R3HDM4: variants seen among roughly 807,000 people sequenced by gnomAD.
R3HDM4 encodes R3H domain containing 4.
A neutral mutation model predicts 31.3 loss-of-function variants in R3HDM4; 30 were observed. The ratio of observed to expected loss-of-function variants is 0.96; its 90% CI spans 0.72 to 1.30. The LOEUF (loss-of-function observed/expected upper bound fraction) is 1.30, where lower values mean the gene tolerates loss of function less well. Among genes scored for constraint, R3HDM4 ranks in the 50% most tolerant of loss-of-function variants. R3HDM4 has a pLI of 0.00. For synonymous variants in R3HDM4, 196 were observed against 156.6 expected, an observed-to-expected ratio of 1.25 and a Z score of -1.88; for missense variants, 444 against 366.1, an observed-to-expected ratio of 1.21 and a Z score of -1.74.
At position 897,770 on chromosome 19, in the gene R3HDM4, C is replaced by T. The variant is rs139651162; in HGVS notation, c.704-230G>A. 9.4e-3 allele frequency among the ~76,000 whole-genome samples: 1,438 copies of T among 152,354 alleles called. 14 individuals carry two copies. Among genetic ancestry groups the T allele is most frequent in the Non-Finnish European group, 0.014 (951 of 68,022 alleles). On this transcript the variant is annotated intron_variant, in intron 7 of 7. Transcript: ENST00000361574. ...CTCTCCTCGGGCCCATCTCACTCCC[C>T]GCTGGCACTCATTCCACTGTGCGGA...
chr19:909,213 G>A (rs916760505), intron 1 of R3HDM4, among the ~76,000 whole-genome samples: 7 of 152,196 alleles, frequency 4.6e-5, no homozygotes, highest in Non-Finnish European at 2.9e-5. Context: ...ATTTTGAGAG[G>A]GGAACTGTGA....
In R3HDM4 at chr19:896,990, G is replaced by C. The variant is rs1157722699; in HGVS notation, c.*447C>G. 6.3e-6 allele frequency: 1 copy of C among 158,258 alleles called. No homozygotes were observed. Among genetic ancestry groups the C allele is most frequent in the Non-Finnish European group, 1.4e-5 (1 of 71,704 alleles). The allele number at this position is 158,258 out of a possible 1,614,324, so 9.8% of individuals were successfully genotyped here. A position where few individuals can be genotyped will look rare whatever the true frequency, so the allele number is the denominator to read the frequency against. On this transcript the variant is annotated 3_prime_UTR_variant, in exon 8 of 8. Coordinates refer to ENST00000361574, the MANE Select transcript of R3HDM4 (RefSeq NM_138774.4). This position sits in a 1 kb window ranked among gnomAD's most constrained non-coding sequence, Gnocchi z 4.0. ...GCTAAAAACTGGGAGGGGCTGAGCA[G>C]GGGCTGGGACCAAGACCCATGTTTT...
rs2036926198 is a variant in R3HDM4, at chr19:907,875, C to A, written c.71+5212G>T. Reference sequence around the variant, plus strand: ...AGCACTGGAAATCGAGTCCCACCATCAGATGGAGCTGGCTGACTTCAACCA... The same window carrying A: ...AGCACTGGAAATCGAGTCCCACCATAAGATGGAGCTGGCTGACTTCAACCA... On this transcript the variant is annotated intron_variant, in intron 1 of 7. Transcript: ENST00000361574. This position sits in a 1 kb window ranked among gnomAD's most constrained non-coding sequence, Gnocchi z 4.1. Among the ~76,000 whole-genome samples, 1 of 152,216 alleles carries A rather than the reference C, an allele frequency of 6.6e-6. No individual in the cohort carries two copies. Among genetic ancestry groups the A allele is most frequent in the South Asian group, 2.1e-4 (1 of 4,836 alleles).
At chr19:901,163 G>A (rs2036831619) in intron 3 of R3HDM4, 2 of 688,122 alleles carry the variant, frequency 2.9e-6, no homozygotes, top group East Asian at 2.9e-5. Context: ...GGGTGGGGGG[G>A]ATTGAGGTGA....
chr19:900,864 C>A lies in R3HDM4; in HGVS notation c.440G>T (p.Arg147Met). ...LEDEGRSKAR[R>M]RGPGRGEDRR... ...GTCCTCCCCACGGCCAGGGCCCCTC[C>A]TCCGCGCCTTGCTCCTGCCCTCATC... The change falls in exon 4 of 8, where the codon AGG becomes ATG. Residue 147 changes from arginine (R) to methionine (M), a missense_variant. By Grantham distance (91) the Arg-to-Met change is moderately conservative (BLOSUM62 -1). Coordinates refer to ENST00000361574, the MANE Select transcript of R3HDM4 (RefSeq NM_138774.4). 6.4e-7 allele frequency: 1 copy of A among 1,556,474 alleles called. No homozygotes were observed. The highest frequency in any genetic ancestry group is 1.2e-5 in the South Asian group (1 of 84,498).
At position 899,359 on chromosome 19, in the gene R3HDM4, A is replaced by T; in HGVS notation, c.703+81T>A. ...CACCTCCCCACCAAGCCCCACTCTG[A>T]GGAACCAGGCCCCTGGGACCCTGGC... On this transcript the variant is annotated intron_variant, in intron 7 of 7. Coordinates refer to ENST00000361574, the MANE Select transcript of R3HDM4 (RefSeq NM_138774.4). This position sits in a 1 kb window ranked among gnomAD's most constrained non-coding sequence, Gnocchi z 6.8. The T allele has an allele frequency of 7.2e-7, 1 of 1,383,784 alleles. No homozygotes were observed. Among genetic ancestry groups the T allele is most frequent in the Non-Finnish European group, 1.0e-6 (1 of 975,290 alleles). The allele number at this position is 1,383,784 out of a possible 1,614,324, so 85.7% of individuals were successfully genotyped here. A position where few individuals can be genotyped will look rare whatever the true frequency, so the allele number is the denominator to read the frequency against.
At chr19:900,272 C>T (rs953055697) in intron 4 of R3HDM4, 126 bp from the exon 5 acceptor site, 4 of 675,740 alleles carry the variant, frequency 5.9e-6, no homozygotes, top group African/African-American at 5.6e-5. Context: ...CCCACCAAAC[C>T]ACACCTTCAA....
chr19:913,048 GC>G lies in R3HDM4; in HGVS notation c.71+38del, dbSNP rs1002384102. 3.7e-5 allele frequency: 29 copies of G among 788,362 alleles called. No individual in the cohort carries two copies. The highest frequency in any genetic ancestry group is 4.2e-5 in the Non-Finnish European group (27 of 643,044). The allele number at this position is 788,362 out of a possible 1,614,324, so 48.8% of individuals were successfully genotyped here. ...GATCTCAGGGGAGGGAGCCCAGCCCGCCCCCGGCGCCCGCCGCGCCCCGCCC... is the reference window on the plus strand; with the variant it reads ...GATCTCAGGGGAGGGAGCCCAGCCCGCCCCGGCGCCCGCCGCGCCCCGCCC... On this transcript the variant is annotated intron_variant, in intron 1 of 7. Transcript: ENST00000361574. This position sits in a 1 kb window ranked among gnomAD's most constrained non-coding sequence, Gnocchi z 5.0.
intron 3 of R3HDM4, chr19:901,164 A>T: frequency 3.0e-6 from 2 of 662,172 alleles, no homozygotes; most frequent in Non-Finnish European, 4.9e-6. Flanking sequence ...GGTGGGGGGG[A>T]TTGAGGTGAA....
At chr19:909,024 C>T (rs1211121534) in intron 1 of R3HDM4, among the ~76,000 whole-genome samples, 1 of 152,206 alleles carries the variant, frequency 6.6e-6, no homozygotes, top group Non-Finnish European at 1.5e-5. Context: ...TCCCACGCCA[C>T]TCAACAAGAC....
intron 1 of R3HDM4, among the ~76,000 whole-genome samples, chr19:906,940 C>T (rs370584953): frequency 1.3e-5 from 2 of 152,040 alleles, no homozygotes; most frequent in African/African-American, 2.4e-5. Flanking sequence ...CTCAGCCTCC[C>T]GAGTAGCTGG....
intron 4 of R3HDM4, 133 bp downstream of exon 4, chr19:900,696 T>C (rs1312115770): frequency 4.3e-6 from 1 of 234,752 alleles, no homozygotes; most frequent in Non-Finnish European, 5.7e-6. Flanking sequence ...CCCAACATAC[T>C]AGGTCCAACC....
At chr19:900,026 G>A (rs2145283661) in intron 5 of R3HDM4, 35 bp downstream of exon 5, 3 of 1,597,366 alleles carry the variant, frequency 1.9e-6, no homozygotes, top group Admixed American at 3.3e-5. Flanking sequence ...AGACCAGGCA[G>A]GTAGAAAAGG....
chr19:897,554 C>T lies in R3HDM4; in HGVS notation c.704-14G>A, dbSNP rs776170253. 2.5e-6 allele frequency: 4 copies of T among 1,599,000 alleles called. No individual in the cohort carries two copies. Among genetic ancestry groups the T allele is most frequent in the Non-Finnish European group, 3.4e-6 (4 of 1,171,844 alleles). ...CCAGGTCAGCACCTGCAGACGGGAC[C>T]AGCGGGGCAAGAACGGGAGGAATTT... On this transcript the variant is annotated splice_polypyrimidine_tract_variant and intron_variant, in intron 7 of 7. Transcript: ENST00000361574.
intron 1 of R3HDM4, among the ~76,000 whole-genome samples, chr19:902,874 A>G (rs2365701): frequency 0.51 from 76,821 of 151,868 alleles, 19,941 homozygotes; most frequent in South Asian, 0.61. Flanking sequence ...CCCGGGAGGC[A>G]GATGCTCCAG....
chr19:906,894 C>T (rs942750931), intron 1 of R3HDM4, among the ~76,000 whole-genome samples: 2 of 152,156 alleles, frequency 1.3e-5, no homozygotes, highest in African/African-American at 4.8e-5. Flanking sequence ...CTGCTCACTG[C>T]AACCTCCACC....
intron 1 of R3HDM4, among the ~76,000 whole-genome samples, chr19:911,698 AC>A (rs1164905027): frequency 6.6e-6 from 1 of 152,010 alleles, no homozygotes; most frequent in Non-Finnish European, 1.5e-5. Context: ...CTCGCCCTCC[AC>A]CAACACGGAC....
At chr19:897,778 C>G (rs1269179619) in intron 7 of R3HDM4, among the ~76,000 whole-genome samples, 1 of 152,266 alleles carries the variant, frequency 6.6e-6, no homozygotes, top group Non-Finnish European at 1.5e-5. Context: ...CCCGCTGGCA[C>G]TCATTCCACT....
At chr19:898,640 C>A (rs944765897) in intron 7 of R3HDM4, among the ~76,000 whole-genome samples, 9 of 151,788 alleles carry the variant, frequency 5.9e-5, no homozygotes, top group African/African-American at 2.2e-4. Flanking sequence ...AAAAGAGCCA[C>A]GTCCCATGTG....
Sources: gnomAD v4.1 joint callset for allele counts (sites outside exome capture counted in the v4.1 genomes callset) on GRCh38, gnomAD v4.1.1 for gene constraint, Gnocchi (gnomAD v3.1) non-coding constraint, MANE v1.5 for transcripts, NCBI Gene and HGNC (gene_info 2026-07-23, HGNC 2026-07-21) for gene names.